FBLN7: variants seen among roughly 807,000 people sequenced by gnomAD.
FBLN7 encodes fibulin 7.
A neutral mutation model predicts 44.0 loss-of-function variants in FBLN7; 31 were observed. The ratio of observed to expected loss-of-function variants is 0.70; its 90% CI spans 0.53 to 0.95. The LOEUF (loss-of-function observed/expected upper bound fraction) is 0.95. FBLN7 is among the 40% of genes least tolerant of loss of function. The pLI is 0.00. For missense variants in FBLN7, 573 were observed against 618.5 expected (o/e 0.93, Z 0.78); for synonymous variants, 262 against 253.4 (o/e 1.03, Z -0.32).
At chr2:112,244,029 AAAAAAT>A in the FBLN7 span, among the ~76,000 whole-genome samples, 4 of 151,600 alleles carry the variant, frequency 2.6e-5, no homozygotes, top group African/African-American at 9.7e-5. Context: ...GAAAAAAGAT[AAAAAAT>A]AAGAGATATG....
At chr2:112,198,115 A>C in the FBLN7 span, among the ~76,000 whole-genome samples, 2 of 151,770 alleles carry the variant, frequency 1.3e-5, no homozygotes, top group African/African-American at 4.8e-5. Flanking sequence ...CCTCCCTGAA[A>C]CCTCCTCTTC....
chr2:112,138,602 G>T lies in FBLN7; in HGVS notation c.-54G>T, dbSNP rs1165005488. The T allele has an allele frequency of 1.9e-5, 30 of 1,612,360 alleles. No individual in the cohort carries two copies. Among genetic ancestry groups the T allele is most frequent in the Non-Finnish European group, 2.5e-5 (30 of 1,179,178 alleles). On this transcript the variant is annotated 5_prime_UTR_variant, in exon 1 of 8. Transcript: ENST00000331203. ...CTGCCGCATCGCTGGGACAAACTCG[G>T]CAGCGGAGGCAAAGTTATTTCCCCT...
At chr2:112,192,648 T>C (rs1391400912), downstream of FBLN7, among the ~76,000 whole-genome samples, 2 of 152,190 alleles carry the variant, frequency 1.3e-5, no homozygotes, top group African/African-American at 4.8e-5. Context: ...GTCAACTTGA[T>C]GGGTTTGTTG....
the FBLN7 span, among the ~76,000 whole-genome samples, chr2:112,211,283 C>G: frequency 6.6e-6 from 1 of 152,100 alleles, no homozygotes; most frequent in Non-Finnish European, 1.5e-5. Flanking sequence ...AATGTCAAAT[C>G]TTCATATTTG....
intron 2 of FBLN7, among the ~76,000 whole-genome samples, chr2:112,163,209 TG>T (rs1457250778): frequency 6.6e-6 from 1 of 152,160 alleles, no homozygotes; most frequent in African/African-American, 2.4e-5. Context: ...GGTGGGATTT[TG>T]GGCAGGGCTA....
the FBLN7 span, among the ~76,000 whole-genome samples, chr2:112,222,550 G>T: frequency 6.6e-6 from 1 of 151,902 alleles, no homozygotes; most frequent in Non-Finnish European, 1.5e-5. Flanking sequence ...AATACTATAT[G>T]ATTTCACTTA....
chr2:112,233,702 C>T, the FBLN7 span, among the ~76,000 whole-genome samples: 2 of 152,016 alleles, frequency 1.3e-5, no homozygotes, highest in South Asian at 2.1e-4. Context: ...CTCGTCCCTA[C>T]TAACAATACA....
At chr2:112,175,644 A>C (rs943568851) in intron 3 of FBLN7, 70 bp from the exon 4 acceptor site, 1 of 1,571,746 alleles carries the variant, frequency 6.4e-7, no homozygotes, top group African/African-American at 1.4e-5. Context: ...ACCCTTCATC[A>C]GTTTTTTATT....
chr2:112,188,992 C>A (rs1417335852), downstream of FBLN7: 1 of 152,224 alleles, frequency 6.6e-6, no homozygotes, highest in Non-Finnish European at 1.5e-5. Flanking sequence ...CAACACCAGG[C>A]GGAAGAGTCT....
chr2:112,142,334 TG>T (rs1372577414), intron 1 of FBLN7, among the ~76,000 whole-genome samples: 7 of 152,246 alleles, frequency 4.6e-5, no homozygotes, highest in Non-Finnish European at 1.0e-4. Context: ...TGAAGGGCTC[TG>T]GCGTAGTACC....
At chr2:112,155,557 G>A (rs764175367) in intron 1 of FBLN7, among the ~76,000 whole-genome samples, 3 of 152,200 alleles carry the variant, frequency 2.0e-5, no homozygotes, top group Admixed American at 6.5e-5. Flanking sequence ...ACCTTCCCTC[G>A]GCAAGTCAGC....
chr2:112,219,325 A>G, the FBLN7 span, among the ~76,000 whole-genome samples: 4 of 152,204 alleles, frequency 2.6e-5, no homozygotes, highest in African/African-American at 9.6e-5. Flanking sequence ...AAGACCATTC[A>G]ATGAAGGAAG....
At chr2:112,167,618 C>T (rs576711234) in intron 3 of FBLN7, among the ~76,000 whole-genome samples, 59 of 152,254 alleles carry the variant, frequency 3.9e-4, no homozygotes, top group African/African-American at 1.4e-3. Flanking sequence ...CTCAAAAGAC[C>T]GATCCAGTCG....
the FBLN7 span, chr2:112,215,330 A>C: frequency 6.6e-6 from 1 of 152,226 alleles, no homozygotes; most frequent in Non-Finnish European, 1.5e-5. Context: ...AGACAGCAAA[A>C]GGGCACTGAG....
At chr2:112,215,387 G>T in the FBLN7 span, 1 of 152,200 alleles carries the variant, frequency 6.6e-6, no homozygotes, top group Non-Finnish European at 1.5e-5. Flanking sequence ...TAAGGGCCTA[G>T]GATTTACCCT....
the FBLN7 span, among the ~76,000 whole-genome samples, chr2:112,208,426 A>C: frequency 2.0e-5 from 3 of 151,574 alleles, no homozygotes; most frequent in South Asian, 6.3e-4. Context: ...ACAAAACAAA[A>C]AAACAAACAA....
rs1452418426 is a variant in FBLN7 at position 112,165,092 on chromosome 2, T to C, written c.327T>C (p.Pro109=). 6.2e-6 allele frequency: 10 copies of C among 1,614,172 alleles called. No homozygotes were observed. The highest frequency in any genetic ancestry group is 8.5e-6 in the Non-Finnish European group (10 of 1,180,026). The stretch of plus-strand genomic sequence containing the variant: ...ACGAAGTCCATTTTACCTGCAACCC[T>C]GGGTTCCGGCTGGTCGGGCCCAGCA... ...VDHEVHFTCN[P]GFRLVGPSSV... The change falls in exon 3 of 8, where the codon CCT becomes CCC. Residue 109 remains proline, a synonymous_variant. Transcript: ENST00000331203.
chr2:112,241,543 T>C, the FBLN7 span, among the ~76,000 whole-genome samples: 70 of 152,356 alleles, frequency 4.6e-4, no homozygotes, highest in African/African-American at 1.7e-3. Context: ...ATTATTTTCA[T>C]CAACCTCCAA....
chr2:112,210,456 G>A, the FBLN7 span, among the ~76,000 whole-genome samples: 1 of 151,850 alleles, frequency 6.6e-6, no homozygotes, highest in Non-Finnish European at 1.5e-5. Context: ...AGGAGTTCGA[G>A]ACCAGCTTGG....
Sources: allele counts gnomAD v4.1 joint callset (sites outside exome capture counted in the v4.1 genomes callset), GRCh38; gene constraint gnomAD v4.1.1; transcripts MANE v1.5; gene names NCBI Gene and HGNC (gene_info 2026-07-23, HGNC 2026-07-21).